Variants in PCDH11X observed in about 807,000 individuals in gnomAD.
PCDH11X encodes protocadherin 11 X-linked, also known as protocadherin-11 X-linked.
Under a neutral mutation model 53.3 loss-of-function variants are expected in PCDH11X, and 18 were observed. That is an observed-to-expected ratio of 0.34 (90% CI 0.23 to 0.50). The LOEUF is 0.50. Ranked by LOEUF, PCDH11X falls within the 20% of genes least tolerant of loss-of-function variation. The pLI, the probability that PCDH11X is intolerant of heterozygous loss-of-function variation, is 0.98. For missense variants in PCDH11X, 570 were observed against 1,032.4 expected (o/e 0.55, Z 6.14); for synonymous variants, 279 against 393.3 (o/e 0.71, Z 3.44).
At chrX:92,611,082 A>G (rs1033803556) in intron 10 of PCDH11X, among the ~76,000 whole-genome samples, 2 of 101,641 alleles carry the variant, frequency 2.0e-5, no homozygotes, top group African/African-American at 7.3e-5. Flanking sequence ...TATTTGGCTT[A>G]TTTTGTGGTT....
intron 10 of PCDH11X, among the ~76,000 whole-genome samples, chrX:92,581,096 A>G (rs1447447703): frequency 9.0e-6 from 1 of 111,363 alleles, no homozygotes; most frequent in Non-Finnish European, 1.9e-5. Flanking sequence ...ATTTTTTAAC[A>G]TGTTTCATTT....
At chrX:92,500,805 C>T (rs5942262) in intron 10 of PCDH11X, among the ~76,000 whole-genome samples, 30,687 of 103,129 alleles carry the variant, frequency 0.3, 4,035 homozygotes, top group Non-Finnish European at 0.37. Flanking sequence ...ATCATCTCAA[C>T]TGAAATAACT....
At chrX:92,592,655 G>C (rs1394308641) in intron 10 of PCDH11X, among the ~76,000 whole-genome samples, 3 of 111,456 alleles carry the variant, frequency 2.7e-5, no homozygotes, top group African/African-American at 9.8e-5. Flanking sequence ...CGCTTGAACC[G>C]GGGAAGCGGA....
At chrX:92,235,802 TG>T (rs956396452) in intron 7 of PCDH11X, among the ~76,000 whole-genome samples, 11 of 111,378 alleles carry the variant, frequency 9.9e-5, no homozygotes, top group Non-Finnish European at 2.1e-4. Flanking sequence ...AAATGATTAT[TG>T]ATCAAACAAT....
In PCDH11X at chrX:92,558,586, G is replaced by A. The variant is rs1310630144; in HGVS notation, c.3368-59678G>A. On this transcript the variant is annotated intron_variant, in intron 10 of 10. Transcript: ENST00000682573. ...TATGAGTGATTTGTCATGCTTTCCA[G>A]GACTAAGGAGATAAGATCAATTCTT... Among the ~76,000 whole-genome samples, 7 of 110,703 alleles carry A rather than the reference G, an allele frequency of 6.3e-5. No homozygotes were observed. The Admixed American group carries it at 6.8e-4, about 11-fold the overall frequency.
chrX:92,428,318 A>G (rs1205936426), intron 9 of PCDH11X, among the ~76,000 whole-genome samples: 1 of 111,063 alleles, frequency 9.0e-6, no homozygotes, highest in Non-Finnish European at 1.9e-5. Flanking sequence ...GCTGTGTGTT[A>G]TTCTCTCTTC....
chrX:92,366,496 T>C (rs4893317), intron 8 of PCDH11X, among the ~76,000 whole-genome samples: 28,847 of 106,021 alleles, frequency 0.27, 3,230 homozygotes, highest in Non-Finnish European at 0.33. Flanking sequence ...TCTCCTTCAG[T>C]TCTGGTCTGA....
intron 6 of PCDH11X, among the ~76,000 whole-genome samples, chrX:92,013,267 G>C (rs1209975543): frequency 9.0e-6 from 1 of 111,649 alleles, no homozygotes; most frequent in Non-Finnish European, 1.9e-5. Context: ...AATCATGAGT[G>C]AACTCACATT....
chrX:92,603,989 TAATTATATATACAC>T (rs1926517289), intron 10 of PCDH11X, among the ~76,000 whole-genome samples: 1 of 106,925 alleles, frequency 9.4e-6, no homozygotes, highest in African/African-American at 3.4e-5. Context: ...TATACATATA[TAATTATATATACAC>T]AATTATATAT....
At position 92,402,978 on chromosome X, in the gene PCDH11X, T is replaced by C. The variant is rs75036362; in HGVS notation, c.3343+15045T>C. The stretch of plus-strand genomic sequence containing the variant: ...TATAATTTCATATATTTGCCAAAAG[T>C]GTGTGCGTGTGTGTATATATATGTA... On this transcript the variant is annotated intron_variant, in intron 9 of 10. Coordinates refer to ENST00000682573, the MANE Select transcript of PCDH11X (RefSeq NM_032968.5). Among the ~76,000 whole-genome samples the C allele has an allele frequency of 2.5e-3, 278 of 110,014 alleles. 7 individuals are homozygous for C. The East Asian group carries it at 0.05, about 20-fold the overall frequency.
chrX:92,499,424 C>G (rs1312826114), intron 10 of PCDH11X, among the ~76,000 whole-genome samples: 1 of 74,470 alleles, frequency 1.3e-5, no homozygotes. Context: ...GATGGAAGTG[C>G]CTCTCCTCAT....
intron 7 of PCDH11X, among the ~76,000 whole-genome samples, chrX:92,225,731 A>C (rs2148361972): frequency 9.0e-6 from 1 of 111,693 alleles, no homozygotes; most frequent in Admixed American, 9.6e-5. Context: ...CAACAGTAAT[A>C]GTTATTATTT....
At chrX:92,036,317 C>G (rs1220778788) in intron 6 of PCDH11X, among the ~76,000 whole-genome samples, 1 of 109,428 alleles carries the variant, frequency 9.1e-6, no homozygotes, top group Non-Finnish European at 1.9e-5. Context: ...TATGGTTTGG[C>G]TTTGTCTCCA....
At chrX:92,183,791 C>A (rs967267423) in intron 6 of PCDH11X, among the ~76,000 whole-genome samples, 3 of 111,703 alleles carry the variant, frequency 2.7e-5, no homozygotes, top group African/African-American at 9.8e-5. Context: ...ATGTCAGAAA[C>A]GTTGCTTTTG....
At chrX:91,915,775 T>C (rs1941539477) in intron 6 of PCDH11X, among the ~76,000 whole-genome samples, 1 of 111,481 alleles carries the variant, frequency 9.0e-6, no homozygotes, top group African/African-American at 3.3e-5. Context: ...CTGCCGGCAC[T>C]AGACAGGTCA....
intron 7 of PCDH11X, among the ~76,000 whole-genome samples, chrX:92,252,604 C>A (rs749732098): frequency 1.8e-5 from 2 of 111,322 alleles, no homozygotes; most frequent in East Asian, 2.8e-4. Context: ...TAAATCTTGA[C>A]CTTTATTGGA....
chrX:92,459,667 A>G, intron 9 of PCDH11X: 1 of 989,601 alleles, frequency 1.0e-6, no homozygotes. Flanking sequence ...CCCGGACAGC[A>G]TGAGCTTCAC....
chrX:92,489,529 G>A (rs1412316923), intron 10 of PCDH11X, among the ~76,000 whole-genome samples: 2 of 109,197 alleles, frequency 1.8e-5, no homozygotes, highest in African/African-American at 3.3e-5. Context: ...GCCAAGTTTT[G>A]TGAGTTTATT....
At chrX:92,159,451 G>A (rs1174544564) in intron 6 of PCDH11X, among the ~76,000 whole-genome samples, 2 of 106,481 alleles carry the variant, frequency 1.9e-5, no homozygotes, top group African/African-American at 6.8e-5. Context: ...AGATTCCATA[G>A]TCTGAGTAAC....
Sources: allele counts gnomAD v4.1 joint callset (sites outside exome capture counted in the v4.1 genomes callset), GRCh38; gene constraint gnomAD v4.1.1; transcripts MANE v1.5; gene names NCBI Gene and HGNC (gene_info 2026-07-23, HGNC 2026-07-21).